MYH15: variants seen among roughly 807,000 people sequenced by gnomAD.
MYH15 encodes the protein myosin-15.
Under a neutral mutation model 240.5 loss-of-function variants are expected in MYH15, and 227 were observed. The ratio of observed to expected loss-of-function variants is 0.94; its 90% CI spans 0.85 to 1.05. The LOEUF (loss-of-function observed/expected upper bound fraction) is 1.05. Among genes scored for constraint, MYH15 ranks in the 50% least tolerant of loss-of-function variants. The probability of loss-of-function intolerance (pLI) is 0.00; values close to 1 mark genes in which losing one functional copy is unlikely to be tolerated. For missense variants in MYH15, 2,217 were observed against 2,247.5 expected (o/e 0.99, Z 0.27); for synonymous variants, 785 against 796.7 (o/e 0.99, Z 0.25).
At chr3:108,454,921 A>G (rs2083006589) in intron 20 of MYH15, among the ~76,000 whole-genome samples, 1 of 152,210 alleles carries the variant, frequency 6.6e-6, no homozygotes, top group Non-Finnish European at 1.5e-5. Context: ...ATCTTGGCCC[A>G]GATGAATAGT....
At chr3:108,453,048 T>C (rs191156909) in intron 21 of MYH15, among the ~76,000 whole-genome samples, 2 of 152,360 alleles carry the variant, frequency 1.3e-5, no homozygotes, top group Admixed American at 1.3e-4. Context: ...TATTTTTTAT[T>C]TACTTGAGAG....
At position 108,416,914 on chromosome 3, in the gene MYH15, C is replaced by A; in HGVS notation, c.3846G>T (p.Arg1282Ser). ...TTATCAGAGCCTCCTTCTCTTCAAG[C>A]CTCCGTAGGAACTCGCCTACAGAAA... The part of the protein sequence containing the change: ...LWSESGEFLR[R>S]LEEKEALINQ... Residue 1282 changes from arginine (R) to serine (S), a missense_variant, in exon 29 of 41, where the codon AGG (arginine) becomes AGT (serine). Physicochemically the swap from Arg to Ser is moderately radical, Grantham distance 110. Transcript: ENST00000693548. The A allele has an allele frequency of 1.2e-6, 2 of 1,613,490 alleles. No individual in the cohort carries two copies. The highest frequency in any genetic ancestry group is 1.7e-6 in the Non-Finnish European group (2 of 1,179,482).
At chr3:108,470,546 G>A in intron 13 of MYH15, 152 bp downstream of exon 13, 2 of 637,622 alleles carry the variant, frequency 3.1e-6, no homozygotes, top group Non-Finnish European at 5.1e-6. Flanking sequence ...AATTATTATT[G>A]ATATTAATTA....
upstream of MYH15, chr3:108,529,417 C>T: frequency 3.2e-6 from 2 of 621,334 alleles, no homozygotes; most frequent in Non-Finnish European, 5.6e-6. Context: ...TGGAAACATA[C>T]AAGATATATT....
intron 28 of MYH15, among the ~76,000 whole-genome samples, chr3:108,419,333 G>A (rs1227138338): frequency 1.3e-5 from 2 of 151,992 alleles, no homozygotes; most frequent in African/African-American, 4.8e-5. Context: ...CCAACCAAAA[G>A]GTAAAGTTAA....
At chr3:108,469,299 C>T (rs1252828240) in intron 14 of MYH15, among the ~76,000 whole-genome samples, 2 of 152,174 alleles carry the variant, frequency 1.3e-5, no homozygotes, top group African/African-American at 4.8e-5. Context: ...CCAGATCCAT[C>T]TTGAAGATTC....
intron 22 of MYH15, 81 bp from the exon 23 acceptor site, chr3:108,441,341 A>G: frequency 6.6e-7 from 1 of 1,516,268 alleles, no homozygotes. Flanking sequence ...AACACACAGC[A>G]AAGAGATAAT....
chr3:108,534,841 A>T, the MYH15 span, among the ~76,000 whole-genome samples: 1 of 152,036 alleles, frequency 6.6e-6, no homozygotes, highest in African/African-American at 2.4e-5. Context: ...TGATCAAACC[A>T]TTGCACTCTA....
rs753416803 is a variant in MYH15, at chr3:108,408,270, G to A, written c.4620+10C>T. The stretch of plus-strand genomic sequence containing the variant: ...CAGTGAAAACTTTCTTTTCTCCCTG[G>A]TGATAATACCTCTGTTTCTTCCAGT... On this transcript the variant is annotated intron_variant, in intron 32 of 40. Transcript: ENST00000693548. The A allele has an allele frequency of 2.9e-5, 47 of 1,604,822 alleles. No homozygotes were observed. Among genetic ancestry groups the A allele is most frequent in the Non-Finnish European group, 4.0e-5 (47 of 1,177,558 alleles).
chr3:108,526,710 A>G (rs894358086), intron 1 of MYH15, among the ~76,000 whole-genome samples: 1 of 152,162 alleles, frequency 6.6e-6, no homozygotes, highest in African/African-American at 2.4e-5. Flanking sequence ...CATCACTCAC[A>G]TGTTTTCTCC....
At chr3:108,430,280 A>T (rs6764846) in intron 26 of MYH15, among the ~76,000 whole-genome samples, 139,965 of 152,290 alleles carry the variant, frequency 0.92, 65,043 homozygotes, top group Middle Eastern at 0.96. Flanking sequence ...TATGTGTGCA[A>T]TTGTGTGTAA....
chr3:108,510,589 T>TC lies in MYH15; in HGVS notation c.-60_-59insG. On this transcript the variant is annotated 5_prime_UTR_variant, in exon 1 of 41. Transcript: ENST00000693548. ...AAACGTGAGTAGGCAAGATTCAACC[T>TC]GAAAAAAAAAAATTGATACAGAGAA... 1 of 1,537,842 alleles carries TC rather than the reference T, an allele frequency of 6.5e-7. No individual in the cohort carries two copies. The highest frequency in any genetic ancestry group is 8.7e-7 in the Non-Finnish European group (1 of 1,147,128).
chr3:108,486,797 CAAAA>C lies in MYH15; in HGVS notation c.872-275_872-272del, dbSNP rs202157447. ...CAGTTTCAATTGGTGTAAAAAAAAA[CAAAA>C]ACAAACAAACAACAACAACAACAAC... On this transcript the variant is annotated intron_variant, in intron 9 of 40. Coordinates refer to ENST00000693548, the MANE Select transcript of MYH15 (RefSeq NM_014981.3). Among the ~76,000 whole-genome samples the C allele has an allele frequency of 5.9e-3, 903 of 151,828 alleles. 5 individuals carry two copies. Among genetic ancestry groups the C allele is most frequent in the African/African-American group, 0.021 (868 of 41,406 alleles).
intron 24 of MYH15, among the ~76,000 whole-genome samples, chr3:108,438,272 A>C (rs1335241816): frequency 1.3e-5 from 2 of 152,122 alleles, no homozygotes; most frequent in Non-Finnish European, 2.9e-5. Flanking sequence ...CCAGTTCATA[A>C]CATTATGTCA....
At chr3:108,520,194 A>G (rs1220821366) in intron 1 of MYH15, among the ~76,000 whole-genome samples, 1 of 152,182 alleles carries the variant, frequency 6.6e-6, no homozygotes, top group Non-Finnish European at 1.5e-5. Context: ...TCTCCAAAAG[A>G]TTATACCGAA....
chr3:108,458,606 T>A (rs895684568), intron 18 of MYH15, among the ~76,000 whole-genome samples: 3 of 152,008 alleles, frequency 2.0e-5, no homozygotes, highest in African/African-American at 7.2e-5. Flanking sequence ...TCATATACAT[T>A]CCTTGGAGGC....
At chr3:108,453,708 T>C (rs968050267) in intron 21 of MYH15, among the ~76,000 whole-genome samples, 3 of 152,292 alleles carry the variant, frequency 2.0e-5, no homozygotes, top group Middle Eastern at 3.4e-3. Flanking sequence ...GCTTCTGATA[T>C]AAATTGTGAG....
At chr3:108,489,482 A>T (rs929346220) in intron 9 of MYH15, among the ~76,000 whole-genome samples, 15 of 152,248 alleles carry the variant, frequency 9.9e-5, no homozygotes, top group Non-Finnish European at 5.9e-5. Flanking sequence ...GCCCTGTCCA[A>T]AAGAACTGAA....
intron 27 of MYH15, among the ~76,000 whole-genome samples, 166 bp from the exon 28 acceptor site, chr3:108,421,380 A>G (rs933878630): frequency 2.0e-5 from 3 of 152,200 alleles, no homozygotes; most frequent in African/African-American, 7.2e-5. Context: ...AGCAAGCACA[A>G]TTAACTCTAG....
Sources: gnomAD v4.1 joint callset for allele counts (sites outside exome capture counted in the v4.1 genomes callset) on GRCh38, gnomAD v4.1.1 for gene constraint, MANE v1.5 for transcripts, NCBI Gene and HGNC (gene_info 2026-07-23, HGNC 2026-07-21) for gene names.